The following UNC13C variants were observed in gnomAD, a reference collection of about 807,000 sequenced individuals.
The protein encoded by UNC13C is protein unc-13 homolog C.
A neutral mutation model predicts 245.4 loss-of-function variants in UNC13C; 174 were observed. That is an observed-to-expected ratio of 0.71 (90% CI 0.63 to 0.80). UNC13C has a LOEUF of 0.80. Ranked by LOEUF, UNC13C falls within the 30% of genes least tolerant of loss-of-function variation. The probability of loss-of-function intolerance (pLI) is 0.00; values close to 1 mark genes in which losing one functional copy is unlikely to be tolerated. For synonymous variants in UNC13C, 992 were observed against 895.1 expected (o/e 1.11, Z -1.93); for missense variants, 2,829 against 2,602.9 (o/e 1.09, Z -1.89).
intron 4 of UNC13C, among the ~76,000 whole-genome samples, chr15:54,196,621 T>C (rs901864370): frequency 1.3e-5 from 2 of 152,098 alleles, no homozygotes; most frequent in African/African-American, 2.4e-5. Flanking sequence ...TAAAAGACAA[T>C]ATATCATGAC....
At chr15:54,621,193 G>A (rs985986259) in intron 30 of UNC13C, among the ~76,000 whole-genome samples, 1 of 151,830 alleles carries the variant, frequency 6.6e-6, no homozygotes, top group Non-Finnish European at 1.5e-5. Flanking sequence ...TTTTGTTCCG[G>A]GCTTTCAGCA....
intron 8 of UNC13C, among the ~76,000 whole-genome samples, chr15:54,263,350 GT>G (rs1265913158): frequency 3.3e-5 from 5 of 152,074 alleles, no homozygotes; most frequent in African/African-American, 1.2e-4. Flanking sequence ...TTATTAACTT[GT>G]GTAATACTGG....
intron 2 of UNC13C, among the ~76,000 whole-genome samples, chr15:54,033,525 T>C (rs1344759615): frequency 6.6e-6 from 1 of 152,188 alleles, no homozygotes; most frequent in East Asian, 1.9e-4. Flanking sequence ...CAAAATTTTA[T>C]ATACACACAT....
rs59822971 is a variant in UNC13C, at chr15:54,209,420, G to GTT, written c.3072-25602_3072-25601dup. On this transcript the variant is annotated intron_variant, in intron 4 of 32. Coordinates refer to ENST00000260323, the MANE Select transcript of UNC13C (RefSeq NM_001080534.3). The stretch of plus-strand genomic sequence containing the variant: ...TTTAGTGTTTTCTTTTTGGTTTTTT[G>GTT]TTTTTTTTTGAGACAGGGTCTCACT... 4.1e-4 allele frequency among the ~76,000 whole-genome samples: 61 copies of GTT among 150,162 alleles called. No individual in the cohort carries two copies. In the Middle Eastern group the frequency reaches 0.01, roughly 25 times the overall value.
chr15:54,431,112 C>A (rs2040863338), intron 19 of UNC13C, among the ~76,000 whole-genome samples: 2 of 151,708 alleles, frequency 1.3e-5, no homozygotes, highest in South Asian at 4.1e-4. Flanking sequence ...TGACGGAGTA[C>A]TGGACTTGGA....
intron 4 of UNC13C, among the ~76,000 whole-genome samples, chr15:54,187,649 C>T (rs547402877): frequency 6.6e-6 from 1 of 152,236 alleles, no homozygotes; most frequent in Non-Finnish European, 1.5e-5. Flanking sequence ...TTCCTGACCT[C>T]GGTGACAACA....
chr15:54,402,073 A>G (rs923646027), intron 18 of UNC13C, among the ~76,000 whole-genome samples: 6 of 152,174 alleles, frequency 3.9e-5, no homozygotes, highest in African/African-American at 1.2e-4. Flanking sequence ...GTAAAAAAAA[A>G]AAAAAAAATG....
intron 2 of UNC13C, among the ~76,000 whole-genome samples, chr15:54,135,642 C>T (rs1266116941): frequency 2.0e-5 from 3 of 152,172 alleles, no homozygotes; most frequent in Non-Finnish European, 4.4e-5. Context: ...GCTCTCTCTT[C>T]TGTTCCATCA....
intron 1 of UNC13C, among the ~76,000 whole-genome samples, chr15:53,981,279 A>G (rs946537993): frequency 6.6e-6 from 1 of 152,126 alleles, no homozygotes; most frequent in Non-Finnish European, 1.5e-5. Flanking sequence ...TTTCCATCCC[A>G]TAGTCTTTAC....
chr15:53,868,188 C>G, the UNC13C span, among the ~76,000 whole-genome samples: 8 of 152,250 alleles, frequency 5.3e-5, no homozygotes, highest in Admixed American at 6.5e-5. Context: ...GAGCTGCTCT[C>G]TAATCCCCAG....
intron 24 of UNC13C, 86 bp downstream of exon 24, chr15:54,511,916 A>T: frequency 1.1e-6 from 1 of 888,714 alleles, no homozygotes. Flanking sequence ...TGTCTTAATC[A>T]AGTTTTTACA....
intron 4 of UNC13C, among the ~76,000 whole-genome samples, chr15:54,152,194 A>T (rs1595917315): frequency 6.6e-6 from 1 of 151,294 alleles, no homozygotes; most frequent in Non-Finnish European, 1.5e-5. Context: ...TTTTTTTCTC[A>T]CTCCAGGGTC....
chr15:54,447,647 T>C (rs1567280305), intron 19 of UNC13C, among the ~76,000 whole-genome samples: 1 of 152,210 alleles, frequency 6.6e-6, no homozygotes, highest in Non-Finnish European at 1.5e-5. Context: ...ATTGCATCTA[T>C]TTGATTCTTC....
At chr15:54,073,366 G>T (rs1224941413) in intron 2 of UNC13C, among the ~76,000 whole-genome samples, 1 of 152,092 alleles carries the variant, frequency 6.6e-6, no homozygotes, top group Admixed American at 6.5e-5. Context: ...CTTTATAGTT[G>T]AATGATTTAT....
chr15:54,012,473 G>T (rs1895425585), intron 1 of UNC13C, among the ~76,000 whole-genome samples, 175 bp from the exon 2 acceptor site: 1 of 152,112 alleles, frequency 6.6e-6, no homozygotes, highest in African/African-American at 2.4e-5. Context: ...TATTGGTAGT[G>T]ATTTGCTTTC....
chr15:53,843,815 T>G, the UNC13C span, among the ~76,000 whole-genome samples: 2 of 152,238 alleles, frequency 1.3e-5, no homozygotes, highest in South Asian at 4.2e-4. Flanking sequence ...ATTTAGGAAG[T>G]CACTAGTGAG....
downstream of UNC13C, chr15:54,631,606 T>C (rs1176696171): frequency 6.6e-6 from 1 of 152,178 alleles, no homozygotes; most frequent in Non-Finnish European, 1.5e-5. Flanking sequence ...ATACAGTATA[T>C]ATTCTTTTGA....
rs181848923 is a variant in UNC13C at position 54,334,534 on chromosome 15, A to T, written c.4584+678A>T. Among the ~76,000 whole-genome samples the T allele has an allele frequency of 1.2e-3, 187 of 152,060 alleles. 1 individual carries two copies. The highest frequency in any genetic ancestry group is 4.3e-3 in the African/African-American group (180 of 41,498). On this transcript the variant is annotated intron_variant, in intron 16 of 32. Transcript: ENST00000260323. The stretch of plus-strand genomic sequence containing the variant: ...TTCAGAAAATTCCTAAATAGCAACA[A>T]TTTTTTTCTTTGCATTTGCCCATAA...
At chr15:53,926,480 G>C in the UNC13C span, among the ~76,000 whole-genome samples, 3 of 152,274 alleles carry the variant, frequency 2.0e-5, no homozygotes, top group Admixed American at 6.5e-5. Context: ...ATACTATTGA[G>C]AGGGGAAGGA....
Sources: gnomAD v4.1 joint callset for allele counts (sites outside exome capture counted in the v4.1 genomes callset) on GRCh38, gnomAD v4.1.1 for gene constraint, MANE v1.5 for transcripts, NCBI Gene and HGNC (gene_info 2026-07-23, HGNC 2026-07-21) for gene names.